The following MCF2 variants were observed in gnomAD, a reference collection of about 807,000 sequenced individuals.
The protein encoded by MCF2 is MCF.2 cell line derived transforming sequence, also known as proto-oncogene DBL.
A neutral mutation model predicts 82.5 loss-of-function variants in MCF2; 44 were observed. That is an observed-to-expected ratio of 0.53 (90% CI 0.42 to 0.69). The LOEUF is 0.69. MCF2 is among the 30% of genes least tolerant of loss of function. The pLI is 0.00. For missense variants in MCF2, 623 were observed against 663.1 expected (o/e 0.94, Z 0.66); for synonymous variants, 217 against 224.9 (o/e 0.96, Z 0.32).
chrX:139,594,468 A>G (rs1428606380), intron 19 of MCF2, among the ~76,000 whole-genome samples: 1 of 109,972 alleles, frequency 9.1e-6, no homozygotes, highest in Non-Finnish European at 1.9e-5. Flanking sequence ...AAAAACAAGC[A>G]ATGGGGAAAG....
Position 139,691,157 on chromosome X carries a change from C to G in MCF2, c.-45+16949G>C, listed in dbSNP as rs780861362. Among the ~76,000 whole-genome samples the G allele has an allele frequency of 2.7e-5, 3 of 111,542 alleles. 1 individual carries two copies. The South Asian group carries it at 1.1e-3, about 42-fold the overall frequency. On this transcript the variant is annotated intron_variant, in intron 1 of 27. Coordinates refer to the MCF2 transcript ENST00000414978. ...GCTTTTGTTTGTCCTTCCAGACAAACAAGAGCTTTTGCCTTTGTAGGGAAG... is the reference window on the plus strand; with the variant it reads ...GCTTTTGTTTGTCCTTCCAGACAAAGAAGAGCTTTTGCCTTTGTAGGGAAG...
intron 16 of MCF2, among the ~76,000 whole-genome samples, chrX:139,599,673 G>C (rs1045199890): frequency 9.0e-6 from 1 of 111,647 alleles, no homozygotes; most frequent in African/African-American, 3.2e-5. Flanking sequence ...GTGTTGGTGA[G>C]GATATGGAGC....
intron 1 of MCF2, among the ~76,000 whole-genome samples, chrX:139,667,588 C>T (rs953161491): frequency 4.5e-5 from 5 of 111,993 alleles, no homozygotes; most frequent in African/African-American, 1.6e-4. Context: ...GTTCATCCCT[C>T]ATGATTCCAG....
chrX:139,687,954 G>A (rs1018247221), intron 1 of MCF2, among the ~76,000 whole-genome samples: 3 of 111,848 alleles, frequency 2.7e-5, no homozygotes, highest in Non-Finnish European at 5.6e-5. Flanking sequence ...CACACAGTTC[G>A]AACAAGCTTG....
intron 17 of MCF2, 81 bp from the exon 22 acceptor site, chrX:139,597,666 T>G: frequency 1.3e-6 from 1 of 794,367 alleles, no homozygotes. Context: ...TAACATGCTT[T>G]CAAGCTGGAA....
At chrX:139,630,427 G>C (rs1046493295) in intron 3 of MCF2, among the ~76,000 whole-genome samples, 3 of 111,731 alleles carry the variant, frequency 2.7e-5, no homozygotes, top group African/African-American at 9.7e-5. Context: ...GTACGGTTTT[G>C]TTGTTTCTTT....
chrX:139,617,883 A>G (rs986118300), intron 7 of MCF2, among the ~76,000 whole-genome samples, 179 bp from the exon 11 acceptor site: 6 of 110,580 alleles, frequency 5.4e-5, no homozygotes, highest in African/African-American at 2.0e-4. Flanking sequence ...AAACAAAAAA[A>G]CAAAAACAAA....
intron 1 of MCF2, among the ~76,000 whole-genome samples, chrX:139,664,866 C>T (rs1934463498): frequency 1.8e-5 from 2 of 111,494 alleles, no homozygotes; most frequent in Non-Finnish European, 1.9e-5. Context: ...ATTCAGGGCC[C>T]AAGGTCTCTT....
At chrX:139,706,962 A>G (rs182168761) in intron 1 of MCF2, among the ~76,000 whole-genome samples, 423 of 110,680 alleles carry the variant, frequency 3.8e-3, no homozygotes, top group African/African-American at 0.013. Context: ...TATTCCCCAA[A>G]AAAATGATGA....
At position 139,707,846 on chromosome X, in the gene MCF2, G is replaced by A. The variant is rs777565095; in HGVS notation, c.-45+260C>T. On this transcript the variant is annotated intron_variant, in intron 1 of 27. Coordinates refer to the MCF2 transcript ENST00000414978. ...AATCCTAATTATTTTAGAAAAAACTGAACAGTAGACAAAGAACTGTCAGAG... is the reference window on the plus strand; with the variant it reads ...AATCCTAATTATTTTAGAAAAAACTAAACAGTAGACAAAGAACTGTCAGAG... 2.7e-5 allele frequency among the ~76,000 whole-genome samples: 3 copies of A among 111,792 alleles called. No homozygotes were observed. The South Asian group carries it at 1.1e-3, about 42-fold the overall frequency.
chrX:139,602,878 G>A (rs900760579), intron 15 of MCF2, among the ~76,000 whole-genome samples: 5 of 112,203 alleles, frequency 4.5e-5, no homozygotes, highest in African/African-American at 1.6e-4. Flanking sequence ...CCAAGTTAGA[G>A]CCTACAGTCC....
chrX:139,707,829 T>G (rs940352758), intron 1 of MCF2, among the ~76,000 whole-genome samples: 1 of 111,799 alleles, frequency 8.9e-6, no homozygotes, highest in Non-Finnish European at 1.9e-5. Context: ...GGAATCCTAA[T>G]TATTTTAGAA....
chrX:139,596,683 C>A (rs1217294235), exon 19 of MCF2: 1 of 1,209,746 alleles, frequency 8.3e-7, no homozygotes, highest in Non-Finnish European at 1.1e-6. Context: ...CTAGCCAAAT[C>A]CTTCATTTTT....
At chrX:139,637,155 T>A (rs181883521) in intron 1 of MCF2, among the ~76,000 whole-genome samples, 223 of 112,036 alleles carry the variant, frequency 2.0e-3, no homozygotes, top group African/African-American at 6.9e-3. Flanking sequence ...CATATCTTCC[T>A]AGAGCACATG....
intron 2 of MCF2, among the ~76,000 whole-genome samples, chrX:139,650,085 C>T (rs764098376): frequency 1.2e-4 from 13 of 111,474 alleles, no homozygotes; most frequent in South Asian, 3.8e-4. Context: ...CTGGGTGCGA[C>T]GGCTCATGCC....
chrX:139,705,094 T>C (rs1935565720), intron 1 of MCF2, among the ~76,000 whole-genome samples: 1 of 111,231 alleles, frequency 9.0e-6, no homozygotes, highest in Non-Finnish European at 1.9e-5. Context: ...GCCAGATCAC[T>C]TGAGGTCAGG....
chrX:139,632,390 G>A (rs999142574), exon 2 of MCF2: 2 of 1,200,214 alleles, frequency 1.7e-6, no homozygotes, highest in Non-Finnish European at 2.3e-6. Flanking sequence ...GTCTGTGAAC[G>A]TTCGTTGAAG....
chrX:139,600,096 A>G (rs1930425407), intron 16 of MCF2, among the ~76,000 whole-genome samples: 1 of 111,899 alleles, frequency 8.9e-6, no homozygotes, highest in Admixed American at 9.5e-5. Flanking sequence ...TTCCATTTAT[A>G]TGAAATGTCC....
At chrX:139,597,713 T>C in intron 17 of MCF2, 128 bp from the exon 22 acceptor site, 2 of 446,476 alleles carry the variant, frequency 4.5e-6, no homozygotes, top group Non-Finnish European at 7.3e-6. Flanking sequence ...TAATTCCTTT[T>C]ACATGCCCTT....
Sources: allele counts gnomAD v4.1 joint callset (sites outside exome capture counted in the v4.1 genomes callset), GRCh38; gene constraint gnomAD v4.1.1; transcripts MANE v1.5; gene names NCBI Gene and HGNC (gene_info 2026-07-23, HGNC 2026-07-21).